Variants in FBN2 observed in about 807,000 individuals in gnomAD.
FBN2 encodes fibrillin-2.
A neutral mutation model predicts 355.6 loss-of-function variants in FBN2; 105 were observed. The ratio of observed to expected loss-of-function variants is 0.30; its 90% CI spans 0.25 to 0.35. FBN2 has a LOEUF of 0.35. FBN2 is among the 10% of genes least tolerant of loss of function. FBN2 has a pLI of 1.00. For missense variants in FBN2, 3,280 were observed against 3,758.7 expected, an observed-to-expected ratio of 0.87 and a Z score of 3.33; for synonymous variants, 1,350 against 1,301.2, an observed-to-expected ratio of 1.04 and a Z score of -0.81.
Position 128,301,382 on chromosome 5 carries a change from C to T in FBN2, c.6046G>A (p.Asp2016Asn), listed in dbSNP as rs1749711886. The change falls in exon 47 of 65, where the codon GAC (aspartate) becomes AAC (asparagine). Residue 2016 changes from aspartate to asparagine, a missense_variant and splice_region_variant. Asp to Asn is a conservative substitution (Grantham distance 23, BLOSUM62 1). Coordinates refer to ENST00000262464, the MANE Select transcript of FBN2 (RefSeq NM_001999.4). ...ELTPDGKNCI[D>N]TNECVALPGS... Reference sequence around the variant, plus strand: ...GACTGCTTATTATTTAAATACTTACCTATACAGTTTTTGCCATCTGGGGTA... The same window carrying T: ...GACTGCTTATTATTTAAATACTTACTTATACAGTTTTTGCCATCTGGGGTA... The T allele has an allele frequency of 6.2e-7, 1 of 1,612,528 alleles. No homozygotes were observed. The highest frequency in any genetic ancestry group is 1.3e-5 in the African/African-American group (1 of 74,864).
At chr5:128,516,185 C>G (rs1011079358) in intron 5 of FBN2, among the ~76,000 whole-genome samples, 5 of 152,140 alleles carry the variant, frequency 3.3e-5, no homozygotes, top group Admixed American at 6.5e-5. Flanking sequence ...GGGAAAAAAC[C>G]CATCAGGTCT....
Position 128,504,125 on chromosome 5 carries a change from C to G in FBN2, c.628+15148G>C, listed in dbSNP as rs900247358. On this transcript the variant is annotated intron_variant, in intron 5 of 64. Coordinates refer to ENST00000262464, the MANE Select transcript of FBN2 (RefSeq NM_001999.4). ...GTTGGGCCTGTGAGTGCACAGAAGT[C>G]AAGAATTGAGGTTTGGGAACTCCAC... is the stretch of plus-strand genomic sequence containing the variant. Among the ~76,000 whole-genome samples, 5 of 152,256 alleles carry G rather than the reference C, an allele frequency of 3.3e-5. No homozygotes were observed. The East Asian group carries it at 9.7e-4, about 29-fold the overall frequency.
rs1005611432 is a variant in FBN2, at chr5:128,278,672, T to A, written c.7308A>T (p.Ile2436=). 54 of 1,614,022 alleles carry A rather than the reference T, an allele frequency of 3.3e-5. No homozygotes were observed. Among genetic ancestry groups the A allele is most frequent in the Non-Finnish European group, 4.6e-5 (54 of 1,180,020 alleles). ...TTGTATATCCTGGGCCATGAGGACA[T>A]ATCTTTTTGTACTGGGCAGTTCCAG... ...PLPGTAQYKK[I]CPHGPGYTTD... The change falls in exon 57 of 65, where the codon ATA becomes ATT. Residue 2436 remains isoleucine, a synonymous_variant. Coordinates refer to ENST00000262464, the MANE Select transcript of FBN2 (RefSeq NM_001999.4).
intron 34 of FBN2, 153 bp downstream of exon 34, chr5:128,328,543 C>T (rs1051522806): frequency 5.4e-5 from 45 of 832,444 alleles, no homozygotes; most frequent in African/African-American, 2.2e-4. Flanking sequence ...ATTATTCATT[C>T]GGCAAAATAA....
At chr5:128,533,157 C>T (rs1458855792) in intron 2 of FBN2, among the ~76,000 whole-genome samples, 1 of 152,236 alleles carries the variant, frequency 6.6e-6, no homozygotes, top group Non-Finnish European at 1.5e-5. Context: ...AAATGTACTA[C>T]AGTTTCTGAT....
chr5:128,416,127 G>A (rs1247771754), intron 7 of FBN2, among the ~76,000 whole-genome samples: 1 of 151,300 alleles, frequency 6.6e-6, no homozygotes, highest in Non-Finnish European at 1.5e-5. Context: ...CCCAGTTCAA[G>A]CAATTCTCCT....
At position 128,325,857 on chromosome 5, in the gene FBN2, C is replaced by T. The variant is rs368952054; in HGVS notation, c.4471+2839G>A. Among the ~76,000 whole-genome samples, 2 of 151,850 alleles carry T rather than the reference C, an allele frequency of 1.3e-5. 1 individual carries two copies. Among genetic ancestry groups the T allele is most frequent in the South Asian group, 4.2e-4 (2 of 4,808 alleles). ...TTTTTTGCTGTTTTTATTTAATAGT[C>T]CTCTTATTTTGCTGTATTGGTCCCC... On this transcript the variant is annotated intron_variant, in intron 34 of 64. Coordinates refer to ENST00000262464, the MANE Select transcript of FBN2 (RefSeq NM_001999.4).
chr5:128,267,379 T>A (rs548556297), intron 62 of FBN2, among the ~76,000 whole-genome samples: 46 of 152,186 alleles, frequency 3.0e-4, no homozygotes, highest in Non-Finnish European at 6.5e-4. Context: ...TGGTTCTAGA[T>A]CCCTGTGGAA....
intron 25 of FBN2, among the ~76,000 whole-genome samples, chr5:128,343,533 G>C (rs928367370): frequency 6.6e-6 from 1 of 152,158 alleles, no homozygotes; most frequent in Non-Finnish European, 1.5e-5. Context: ...TGGAGAATAC[G>C]AACAAAGAGA....
intron 45 of FBN2, among the ~76,000 whole-genome samples, chr5:128,304,077 C>G (rs1002874861): frequency 6.6e-6 from 1 of 152,162 alleles, no homozygotes; most frequent in Non-Finnish European, 1.5e-5. Flanking sequence ...ATGAAGGAAA[C>G]CAGTCCTGCA....
At chr5:128,442,839 C>T (rs1240650091) in intron 7 of FBN2, among the ~76,000 whole-genome samples, 1 of 152,002 alleles carries the variant, frequency 6.6e-6, no homozygotes, top group Admixed American at 6.6e-5. Flanking sequence ...TTCAGATTTA[C>T]AGCTTACCTA....
At chr5:128,520,945 C>T (rs766244242) in intron 4 of FBN2, among the ~76,000 whole-genome samples, 20 of 151,544 alleles carry the variant, frequency 1.3e-4, no homozygotes, top group Admixed American at 9.2e-4. Context: ...AAAAAGGCCA[C>T]GGGGAACATG....
chr5:128,430,127 G>A (rs1753582860), intron 7 of FBN2, among the ~76,000 whole-genome samples: 1 of 151,924 alleles, frequency 6.6e-6, no homozygotes, highest in Admixed American at 6.6e-5. Flanking sequence ...CCTATTTCTA[G>A]GGCTTTGCCT....
chr5:128,521,711 T>C (rs1332131118), intron 4 of FBN2, among the ~76,000 whole-genome samples: 2 of 152,212 alleles, frequency 1.3e-5, no homozygotes, highest in Admixed American at 6.5e-5. Context: ...TGCCAGCCTT[T>C]GGGGAAAAGC....
chr5:128,262,930 C>T (rs1765011598), intron 63 of FBN2, among the ~76,000 whole-genome samples: 2 of 152,188 alleles, frequency 1.3e-5, no homozygotes, highest in Non-Finnish European at 2.9e-5. Flanking sequence ...TGCTGAATGA[C>T]ACCACACCAA....
At chr5:128,448,466 C>G (rs1343298159) in intron 6 of FBN2, among the ~76,000 whole-genome samples, 1 of 151,994 alleles carries the variant, frequency 6.6e-6, no homozygotes, top group African/African-American at 2.4e-5. Context: ...CACCACCACG[C>G]CCGGCTAATT....
rs747670150 is a variant in FBN2 at position 128,335,483 on chromosome 5, G to T, written c.3819C>A (p.Ala1273=). ...SYECSCSEGY[A]LMPDGRSCAD... is the part of the protein sequence containing the mutation. Reference sequence around the variant, plus strand: ...CACACGATCTCCCATCTGGCATCAGGGCATAACCCTCACTGCAGCTGCATT... The same window carrying T: ...CACACGATCTCCCATCTGGCATCAGTGCATAACCCTCACTGCAGCTGCATT... Residue 1273 remains alanine (A), a synonymous_variant, in exon 29 of 65, where the codon GCC becomes GCA. Transcript: ENST00000262464. The T allele has an allele frequency of 6.2e-7, 1 of 1,614,142 alleles. No individual in the cohort carries two copies. The highest frequency in any genetic ancestry group is 8.5e-7 in the Non-Finnish European group (1 of 1,180,012).
At position 128,302,843 on chromosome 5, in the gene FBN2, T is replaced by C. The variant is rs910918836; in HGVS notation, c.5917+130A>G. 4.0e-5 allele frequency: 28 copies of C among 705,676 alleles called. 1 individual carries two copies. The highest frequency in any genetic ancestry group is 6.6e-5 in the Non-Finnish European group (26 of 391,714). 43.7% of individuals were successfully genotyped at this position (705,676 alleles called of 1,614,324 possible). ...TTAACTAGAAACCAGTCAATGAAAT[T>C]ATATATCTTTTGGCACATATTTGCA... On this transcript the variant is annotated intron_variant, in intron 46 of 64. Coordinates refer to ENST00000262464, the MANE Select transcript of FBN2 (RefSeq NM_001999.4).
chr5:128,500,400 G>A (rs1252754214), intron 5 of FBN2, among the ~76,000 whole-genome samples: 3 of 144,556 alleles, frequency 2.1e-5, no homozygotes, highest in Non-Finnish European at 4.5e-5. Context: ...AAATGATATA[G>A]GGAATGAAAA....
Sources: allele counts gnomAD v4.1 joint callset (sites outside exome capture counted in the v4.1 genomes callset), GRCh38; gene constraint gnomAD v4.1.1; transcripts MANE v1.5; gene names NCBI Gene and HGNC (gene_info 2026-07-23, HGNC 2026-07-21).